SPTLC2: variants seen among roughly 807,000 people sequenced by gnomAD.
The protein encoded by SPTLC2 is serine palmitoyltransferase long chain base subunit 2.
In SPTLC2, 21 loss-of-function variants were observed where a neutral mutation model predicts 62.0. The observed-to-expected ratio is 0.34, with a 90% CI of 0.24 to 0.49. The LOEUF (loss-of-function observed/expected upper bound fraction) is 0.49, where lower values mean the gene tolerates loss of function less well. SPTLC2 is among the 20% of genes least tolerant of loss of function. SPTLC2 has a pLI of 0.99. For synonymous variants in SPTLC2, 261 were observed against 261.8 expected (o/e 1.00, Z 0.03); for missense variants, 511 against 713.0 (o/e 0.72, Z 3.23).
intron 2 of SPTLC2, 137 bp downstream of exon 2, chr14:77,597,049 T>C: frequency 1.2e-6 from 1 of 814,396 alleles, no homozygotes; most frequent in Non-Finnish European, 1.9e-6. Context: ...CTTTGTAGAA[T>C]GTTTTCATTT....
intron 1 of SPTLC2, among the ~76,000 whole-genome samples, chr14:77,598,675 T>C (rs985306752): frequency 5.9e-5 from 9 of 152,222 alleles, no homozygotes; most frequent in African/African-American, 2.2e-4. Context: ...CGCATGCCTG[T>C]AATCCTAGCA....
At chr14:77,597,772 T>C (rs1043612969) in intron 1 of SPTLC2, among the ~76,000 whole-genome samples, 4 of 129,556 alleles carry the variant, frequency 3.1e-5, no homozygotes, top group African/African-American at 1.2e-4. Context: ...AGACTCCGTG[T>C]CAAAAAAAAA....
intron 8 of SPTLC2, among the ~76,000 whole-genome samples, chr14:77,554,555 C>T (rs2079572619): frequency 6.6e-6 from 1 of 152,180 alleles, no homozygotes; most frequent in African/African-American, 2.4e-5. Flanking sequence ...TTAAGGTGCA[C>T]CCACGTTGTA....
intron 2 of SPTLC2, among the ~76,000 whole-genome samples, chr14:77,595,309 G>A (rs762155922): frequency 2.7e-5 from 4 of 148,438 alleles, no homozygotes; most frequent in Non-Finnish European, 6.0e-5. Context: ...AGGTTGCAGT[G>A]AGCCGAGATC....
intron 1 of SPTLC2, among the ~76,000 whole-genome samples, chr14:77,598,635 TATAA>T (rs1304633178): frequency 6.6e-6 from 1 of 152,192 alleles, no homozygotes; most frequent in African/African-American, 2.4e-5. Context: ...AAGATGTTTA[TATAA>T]GTGTGGTCCA....
intron 9 of SPTLC2, among the ~76,000 whole-genome samples, chr14:77,530,845 A>C (rs2079434628): frequency 6.6e-6 from 1 of 152,238 alleles, no homozygotes; most frequent in Non-Finnish European, 1.5e-5. Flanking sequence ...GATTGACTAA[A>C]AGGGAATGTT....
At chr14:77,549,893 A>C (rs1364365044) in intron 9 of SPTLC2, among the ~76,000 whole-genome samples, 2 of 152,206 alleles carry the variant, frequency 1.3e-5, no homozygotes, top group Non-Finnish European at 2.9e-5. Context: ...AGGGCAAATA[A>C]ATTATCCAAT....
intron 5 of SPTLC2, among the ~76,000 whole-genome samples, chr14:77,564,136 C>G (rs2091915): frequency 0.96 from 145,333 of 151,198 alleles, 70,109 homozygotes; most frequent in Middle Eastern, 1. Context: ...GCAGGCGCCT[C>G]AAATCTCTGC....
intron 10 of SPTLC2, among the ~76,000 whole-genome samples, chr14:77,521,029 A>C (rs2079382553): frequency 6.6e-6 from 1 of 152,188 alleles, no homozygotes; most frequent in Non-Finnish European, 1.5e-5. Context: ...CCTATTTAAT[A>C]GTGTTATCGG....
At chr14:77,561,503 C>T (rs1303246356) in intron 6 of SPTLC2, among the ~76,000 whole-genome samples, 3 of 151,366 alleles carry the variant, frequency 2.0e-5, no homozygotes, top group African/African-American at 4.9e-5. Context: ...CCCAGCTACT[C>T]GGGAGGCTGA....
chr14:77,517,989 C>T, intron 11 of SPTLC2, 49 bp downstream of exon 11: 1 of 1,611,370 alleles, frequency 6.2e-7, no homozygotes, highest in Non-Finnish European at 8.5e-7. Context: ...AATATACAGG[C>T]CCTTTTAATA....
intron 1 of SPTLC2, among the ~76,000 whole-genome samples, chr14:77,612,985 A>C (rs2079946198): frequency 6.6e-6 from 1 of 152,226 alleles, no homozygotes; most frequent in Non-Finnish European, 1.5e-5. Flanking sequence ...GGAAAGTAAA[A>C]GGAAAACCTA....
In SPTLC2 at chr14:77,506,354, T is replaced by C. The variant is rs1407811354; in HGVS notation, c.*5930A>G. The C allele has an allele frequency of 6.6e-6, 1 of 152,214 alleles. No homozygotes were observed. The highest frequency in any genetic ancestry group is 2.4e-5 in the African/African-American group (1 of 41,458). The allele number at this position is 152,214 out of a possible 1,614,324, so 9.4% of individuals were successfully genotyped here. On this transcript the variant is annotated 3_prime_UTR_variant, in exon 12 of 12. Coordinates refer to ENST00000216484, the MANE Select transcript of SPTLC2 (RefSeq NM_004863.4). ...CCCCTTGCAAATTCCAGTTTACAGGTAACTTGGTCAGGGGAAAAATATGGG... is the reference window on the plus strand; with the variant it reads ...CCCCTTGCAAATTCCAGTTTACAGGCAACTTGGTCAGGGGAAAAATATGGG...
At chr14:77,574,663 T>C (rs1056876180) in intron 4 of SPTLC2, among the ~76,000 whole-genome samples, 3 of 152,164 alleles carry the variant, frequency 2.0e-5, no homozygotes, top group Non-Finnish European at 2.9e-5. Flanking sequence ...TATTCAGTCA[T>C]AGAAAAGAAT....
rs917777276 is a variant in SPTLC2, at chr14:77,511,099, C to T, written c.*1185G>A. ...AATAAAAAATATGTAGACAGGCAGA[C>T]CCTAGCCCCAGATGCCAGATTCAAT... On this transcript the variant is annotated 3_prime_UTR_variant, in exon 12 of 12. Coordinates refer to ENST00000216484, the MANE Select transcript of SPTLC2 (RefSeq NM_004863.4). 1.3e-5 allele frequency: 2 copies of T among 152,128 alleles called. No homozygotes were observed. The highest frequency in any genetic ancestry group is 6.5e-5 in the Admixed American group (1 of 15,272). 9.4% of individuals were successfully genotyped at this position (152,128 alleles called of 1,614,324 possible). A position where few individuals can be genotyped will look rare whatever the true frequency, so the allele number is the denominator to read the frequency against.
intron 5 of SPTLC2, among the ~76,000 whole-genome samples, chr14:77,566,750 G>A (rs1407079198): frequency 6.6e-6 from 1 of 151,832 alleles, no homozygotes; most frequent in South Asian, 2.1e-4. Flanking sequence ...GTGAGCCACC[G>A]CGCCCGGCCA....
chr14:77,607,065 G>A (rs2079909304), intron 1 of SPTLC2, among the ~76,000 whole-genome samples: 1 of 151,504 alleles, frequency 6.6e-6, no homozygotes, highest in Non-Finnish European at 1.5e-5. Context: ...CAAGAATTGT[G>A]CAGTATTTTG....
intron 9 of SPTLC2, among the ~76,000 whole-genome samples, chr14:77,545,705 T>TGG (rs397734038): frequency 1.3e-5 from 2 of 151,980 alleles, no homozygotes; most frequent in East Asian, 1.9e-4. Context: ...GACATAATTC[T>TGG]GGGGGGAGAA....
intron 9 of SPTLC2, among the ~76,000 whole-genome samples, chr14:77,544,950 T>C (rs1399564379): frequency 6.6e-6 from 1 of 152,162 alleles, no homozygotes; most frequent in Non-Finnish European, 1.5e-5. Context: ...ACCCTGTTCC[T>C]TGGCTGTAAA....
Sources: allele counts gnomAD v4.1 joint callset (sites outside exome capture counted in the v4.1 genomes callset), GRCh38; gene constraint gnomAD v4.1.1; transcripts MANE v1.5; gene names NCBI Gene and HGNC (gene_info 2026-07-23, HGNC 2026-07-21).